Variants in OXR1 observed in about 807,000 individuals in gnomAD.
OXR1 encodes the protein oxidation resistance 1, also known as oxidation resistance protein 1.
A neutral mutation model predicts 104.6 loss-of-function variants in OXR1; 41 were observed. The ratio of observed to expected loss-of-function variants is 0.39; its 90% confidence interval spans 0.31 to 0.51. The LOEUF (loss-of-function observed/expected upper bound fraction) is 0.51, where lower values mean the gene tolerates loss of function less well. Among genes scored for constraint, OXR1 ranks in the 20% least tolerant of loss-of-function variants. The probability of loss-of-function intolerance (pLI) is 0.77; values close to 1 mark genes in which losing one functional copy is unlikely to be tolerated. For missense variants in OXR1, 955 were observed against 1,031.9 expected (o/e 0.93, Z 1.02); for synonymous variants, 348 against 348.4 (o/e 1.00, Z 0.01).
At chr8:106,635,113 G>T (rs1485472465) in intron 3 of OXR1, among the ~76,000 whole-genome samples, 1 of 152,122 alleles carries the variant, frequency 6.6e-6, no homozygotes, top group Non-Finnish European at 1.5e-5. Flanking sequence ...GAGGAGATTT[G>T]GTCATTGACT....
chr8:106,430,153 T>A (rs1335375681), intron 2 of OXR1, among the ~76,000 whole-genome samples: 1 of 152,188 alleles, frequency 6.6e-6, no homozygotes, highest in Non-Finnish European at 1.5e-5. Context: ...AATGAATGTA[T>A]TTTTTAATCA....
In OXR1 at chr8:106,525,274, A is replaced by G. The variant is rs773264357; in HGVS notation, c.220+6135A>G. On this transcript the variant is annotated intron_variant, in intron 3 of 16. Transcript: ENST00000517566. The stretch of plus-strand genomic sequence containing the variant: ...TTATCTCACTATCCAAAGCTCAGTG[A>G]CACAGGGTAATGGCCTCACTTTCAT... Among the ~76,000 whole-genome samples, 27 of 152,332 alleles carry G rather than the reference A, an allele frequency of 1.8e-4. No homozygotes were observed. The Middle Eastern group carries it at 0.031, about 173-fold the overall frequency.
intron 1 of OXR1, among the ~76,000 whole-genome samples, chr8:106,316,710 T>TATC (rs1206632724): frequency 7.4e-4 from 77 of 104,702 alleles, no homozygotes; most frequent in Admixed American, 3.5e-3. Flanking sequence ...TCTATCTATC[T>TATC]ATCTATCATC....
At chr8:106,282,648 A>G (rs898054449) in intron 1 of OXR1, among the ~76,000 whole-genome samples, 1 of 152,224 alleles carries the variant, frequency 6.6e-6, no homozygotes, top group Non-Finnish European at 1.5e-5. Context: ...GGAAGATAAC[A>G]TATGTTTATA....
At chr8:106,271,192 A>C (rs1489528253) in intron 1 of OXR1, among the ~76,000 whole-genome samples, 1 of 151,962 alleles carries the variant, frequency 6.6e-6, no homozygotes, top group East Asian at 1.9e-4. Flanking sequence ...CCGCCCCTTG[A>C]ATAGTGATTT....
At chr8:106,288,148 C>A (rs1181107042) in intron 1 of OXR1, among the ~76,000 whole-genome samples, 1 of 152,090 alleles carries the variant, frequency 6.6e-6, no homozygotes, top group Non-Finnish European at 1.5e-5. Flanking sequence ...CAGATGGGGT[C>A]CCTGGGCTAT....
At chr8:106,717,050 G>A (rs2131432539) in intron 11 of OXR1, among the ~76,000 whole-genome samples, 1 of 152,242 alleles carries the variant, frequency 6.6e-6, no homozygotes, top group South Asian at 2.1e-4. Flanking sequence ...GCTGGACGTG[G>A]TAGCACACGC....
In OXR1 at chr8:106,702,896, T is replaced by C; in HGVS notation, c.676-10T>C. The C allele has an allele frequency of 6.3e-7, 1 of 1,596,506 alleles. No individual in the cohort carries two copies. Among genetic ancestry groups the C allele is most frequent in the Non-Finnish European group, 8.5e-7 (1 of 1,170,898 alleles). On this transcript the variant is annotated splice_polypyrimidine_tract_variant and intron_variant, in intron 7 of 16. Transcript: ENST00000517566. The stretch of plus-strand genomic sequence containing the variant: ...TGAGGATTAAATGTTACTTTCTTTT[T>C]TCACCTTAGGGCACAGTCAGTGGTG...
intron 3 of OXR1, among the ~76,000 whole-genome samples, chr8:106,562,725 G>T (rs1037313535): frequency 9.2e-5 from 14 of 152,268 alleles, no homozygotes; most frequent in African/African-American, 3.1e-4. Context: ...AGAGAGAAAG[G>T]TCGGGTTACC....
intron 1 of OXR1, among the ~76,000 whole-genome samples, chr8:106,301,104 A>T (rs1041832857): frequency 1.3e-5 from 2 of 152,184 alleles, no homozygotes; most frequent in Non-Finnish European, 2.9e-5. Context: ...AGCATTTTTG[A>T]CTTTCAATAG....
At chr8:106,726,014 A>C (rs1334092853) in intron 11 of OXR1, 2 of 510,228 alleles carry the variant, frequency 3.9e-6, no homozygotes, top group East Asian at 3.9e-5. Flanking sequence ...AAGCATGGGA[A>C]ATTCTCTCTT....
intron 3 of OXR1, among the ~76,000 whole-genome samples, chr8:106,553,453 G>A (rs1816030011): frequency 6.6e-6 from 1 of 151,302 alleles, no homozygotes; most frequent in African/African-American, 2.4e-5. Context: ...CCCATAGGTG[G>A]GACTACAGGT....
At chr8:106,671,423 A>G (rs1826968106) in intron 3 of OXR1, among the ~76,000 whole-genome samples, 1 of 152,080 alleles carries the variant, frequency 6.6e-6, no homozygotes, top group African/African-American at 2.4e-5. Flanking sequence ...AGCGTGTAAA[A>G]CTGTTTCATA....
At chr8:106,419,475 A>C (rs1483036140) in intron 2 of OXR1, among the ~76,000 whole-genome samples, 1 of 152,122 alleles carries the variant, frequency 6.6e-6, no homozygotes, top group Non-Finnish European at 1.5e-5. Context: ...CAAAAGCTAA[A>C]CAGGTGATAG....
At chr8:106,285,587 C>T (rs138664837) in intron 1 of OXR1, among the ~76,000 whole-genome samples, 2 of 151,910 alleles carry the variant, frequency 1.3e-5, no homozygotes, top group Admixed American at 6.6e-5. Flanking sequence ...AACAGCTGGC[C>T]TCCACCTGCA....
chr8:106,475,747 A>G (rs946091708), intron 2 of OXR1, among the ~76,000 whole-genome samples: 8 of 151,874 alleles, frequency 5.3e-5, no homozygotes, highest in African/African-American at 1.7e-4. Flanking sequence ...TGCTTTTCTT[A>G]TGCCTTCTTC....
rs73699993 is a variant in OXR1, at chr8:106,697,486, A to T, written c.675+4609A>T. ...CCTGCCTGAGATGCCCCCCATCTGT[A>T]GCCCGATCACGTTCTTGCCCTCTTG... On this transcript the variant is annotated intron_variant, in intron 7 of 16. Transcript: ENST00000517566. 5.1e-4 allele frequency: 819 copies of T among 1,606,862 alleles called. 2 individuals carry two copies. In the African/African-American group the frequency reaches 8.8e-3, roughly 17 times the overall value.
chr8:106,742,272 T>C lies in OXR1; in HGVS notation c.2367T>C (p.Tyr789=), dbSNP rs1216347257. ...SEPLKVSDGF[Y]GTGETFVFTF... ...CACTGAAAGTGAGTGATGGCTTTTA[T>C]GGTACTGGAGAGACCTTTGTTTTTA... The change falls in exon 15 of 17, where the codon TAT becomes TAC. Residue 789 remains tyrosine, a synonymous_variant. Transcript: ENST00000517566. 3 of 1,612,166 alleles carry C rather than the reference T, an allele frequency of 1.9e-6. No individual in the cohort carries two copies.
In OXR1 at chr8:106,703,081, C is replaced by T. The variant is rs1042637479; in HGVS notation, c.851C>T (p.Ser284Phe). The T allele has an allele frequency of 6.2e-7, 1 of 1,608,154 alleles. No individual in the cohort carries two copies. The highest frequency in any genetic ancestry group is 8.5e-7 in the Non-Finnish European group (1 of 1,175,082). Residue 284 changes from serine to phenylalanine, a missense_variant, in exon 8 of 17, where the codon TCT becomes TTT. Ser to Phe is a radical substitution (Grantham distance 155, BLOSUM62 -2). Around this residue, in one of 2 missense-constraint regions of OXR1, gnomAD observed 849 missense variants for 852.9 expected, o/e 1.00. Coordinates refer to ENST00000517566, the MANE Select transcript of OXR1 (RefSeq NM_001198533.2). The part of the protein sequence containing the change: ...KEILDSKIKE[S>F]LPIDIDQLSG... The stretch of plus-strand genomic sequence containing the variant: ...ATTTTGGATAGCAAAATAAAGGAAT[C>T]TTTACCCATGTAAGAGTGATATTTA...
Sources: gnomAD v4.1 joint callset for allele counts (sites outside exome capture counted in the v4.1 genomes callset) on GRCh38, gnomAD v4.1.1 for gene constraint, gnomAD v4.1.1 regional missense constraint, MANE v1.5 for transcripts, NCBI Gene and HGNC (gene_info 2026-07-23, HGNC 2026-07-21) for gene names.